The following PCDHA6 variants were observed in gnomAD, a reference collection of about 807,000 sequenced individuals.
The protein encoded by PCDHA6 is protocadherin alpha-6.
In PCDHA6, 55 loss-of-function variants were observed where a neutral mutation model predicts 60.3. That is an observed-to-expected ratio of 0.91 (90% CI 0.73 to 1.14). The LOEUF is 1.14. Ranked by LOEUF, PCDHA6 falls within the 50% of genes most tolerant of loss-of-function variation. The probability of loss-of-function intolerance (pLI) is 0.00; values close to 1 mark genes in which losing one functional copy is unlikely to be tolerated. For missense variants in PCDHA6, 1,327 were observed against 1,256.5 expected (o/e 1.06, Z -0.85); for synonymous variants, 652 against 557.9 (o/e 1.17, Z -2.38).
intron 1 of PCDHA6, chr5:140,856,524 CG>C (rs2044059008): frequency 6.3e-7 from 1 of 1,598,296 alleles, no homozygotes; most frequent in African/African-American, 1.3e-5. Flanking sequence ...GCATCTGATG[CG>C]GATGTTGGAG....
chr5:140,835,538 T>A, intron 1 of PCDHA6: 1 of 1,613,946 alleles, frequency 6.2e-7, no homozygotes, highest in African/African-American at 1.3e-5. Context: ...ACGGACAGGT[T>A]ACCTGCTCCC....
intron 1 of PCDHA6, chr5:140,859,867 TC>T (rs2046061567): frequency 6.6e-6 from 1 of 152,134 alleles, no homozygotes; most frequent in East Asian, 1.9e-4. Context: ...AATATATACT[TC>T]CCCCTCTGAT....
At chr5:140,908,911 T>C (rs535661545) in intron 1 of PCDHA6, among the ~76,000 whole-genome samples, 1 of 152,300 alleles carries the variant, frequency 6.6e-6, no homozygotes, top group South Asian at 2.1e-4. Flanking sequence ...TTCGTGGTTG[T>C]AGGAGGGGCC....
chr5:140,917,152 G>A (rs1407958115), intron 1 of PCDHA6, among the ~76,000 whole-genome samples: 1 of 152,012 alleles, frequency 6.6e-6, no homozygotes, highest in Admixed American at 6.6e-5. Context: ...GCTGCTGGGG[G>A]ATATGGGAGG....
chr5:140,870,551 C>G (rs1554164401), intron 1 of PCDHA6: 11 of 1,614,022 alleles, frequency 6.8e-6, no homozygotes, highest in African/African-American at 1.3e-5. Flanking sequence ...GACGCGGACG[C>G]GCAGGAGAAC....
chr5:141,000,421 A>ATATTTTT (rs1265241806), intron 3 of PCDHA6, among the ~76,000 whole-genome samples: 1 of 27,968 alleles, frequency 3.6e-5, no homozygotes, highest in Non-Finnish European at 5.7e-5. Context: ...ATATATATAT[A>ATATTTTT]TTTTTTTTTT....
In PCDHA6 at chr5:140,925,595, A is replaced by G. The variant is rs145876147; in HGVS notation, c.2395-53354A>G. 2.8e-3 allele frequency among the ~76,000 whole-genome samples: 431 copies of G among 151,786 alleles called. 1 individual carries two copies. Among genetic ancestry groups the G allele is most frequent in the African/African-American group, 9.9e-3 (412 of 41,446 alleles). On this transcript the variant is annotated intron_variant, in intron 1 of 3. Coordinates refer to ENST00000529310, the MANE Select transcript of PCDHA6 (RefSeq NM_018909.4). ...ACACCAACATGGCGCATGTATACAT[A>G]TGTAACAAACCTGCACGTTGTGCAC...
intron 1 of PCDHA6, among the ~76,000 whole-genome samples, chr5:140,844,046 T>C (rs1373355795): frequency 1.1e-4 from 17 of 149,680 alleles, no homozygotes; most frequent in African/African-American, 3.9e-4. Flanking sequence ...GTGAAAGTAT[T>C]CCCCCAAAGC....
At chr5:140,835,970 G>T (rs1178302162) in intron 1 of PCDHA6, 1 of 1,613,202 alleles carries the variant, frequency 6.2e-7, no homozygotes, top group Non-Finnish European at 8.5e-7. Flanking sequence ...AGGAGCTGGA[G>T]CTGTTGCAGT....
At chr5:140,949,222 G>T (rs1472220330) in intron 1 of PCDHA6, among the ~76,000 whole-genome samples, 1 of 151,662 alleles carries the variant, frequency 6.6e-6, no homozygotes, top group Non-Finnish European at 1.5e-5. Flanking sequence ...GTTTAGACTT[G>T]TTCTGTGGCC....
chr5:140,831,520 CTTTTTTTT>C (rs35178185), intron 1 of PCDHA6, among the ~76,000 whole-genome samples: 1 of 122,416 alleles, frequency 8.2e-6, no homozygotes, highest in Non-Finnish European at 1.6e-5. Context: ...TGCCCCCCAC[CTTTTTTTT>C]TTTTTTTTTT....
chr5:140,978,989 T>G lies in PCDHA6; in HGVS notation c.2435T>G (p.Leu812Arg). 1 of 1,614,212 alleles carries G rather than the reference T, an allele frequency of 6.2e-7. No individual in the cohort carries two copies. Among genetic ancestry groups the G allele is most frequent in the Non-Finnish European group, 8.5e-7 (1 of 1,180,034 alleles). Residue 812 changes from leucine to arginine, a missense_variant, in exon 2 of 4, where the codon CTG (leucine) becomes CGG (arginine). Transcript: ENST00000529310. Reference protein sequence around the residue: ...PNPDWRYSASLRAGMHSSVHL... With the variant: ...PNPDWRYSASRRAGMHSSVHL... ...CCTGACTGGCGTTACTCTGCCTCCC[T>G]GAGAGCAGGCATGCACAGGTATGTA...
intron 1 of PCDHA6, among the ~76,000 whole-genome samples, chr5:140,879,472 G>T (rs546855959): frequency 6.6e-6 from 1 of 152,318 alleles, no homozygotes; most frequent in South Asian, 2.1e-4. Context: ...GAATACCGTT[G>T]TGATTGGAAA....
At chr5:140,871,533 G>A in intron 1 of PCDHA6, 2 of 1,516,446 alleles carry the variant, frequency 1.3e-6, no homozygotes, top group South Asian at 1.3e-5. Context: ...GGAAGTGTAT[G>A]TGAAATTATT....
intron 1 of PCDHA6, among the ~76,000 whole-genome samples, chr5:140,905,531 C>T (rs2071895291): frequency 6.6e-6 from 1 of 151,776 alleles, no homozygotes; most frequent in African/African-American, 2.4e-5. Context: ...TTTTTTGGTT[C>T]CATATGAACT....
intron 1 of PCDHA6, chr5:140,835,907 G>T (rs2150248091): frequency 6.2e-7 from 1 of 1,612,200 alleles, no homozygotes. Flanking sequence ...CGAGCTACGT[G>T]TCAGTGCACG....
At chr5:140,876,449 G>T (rs1396307044) in intron 1 of PCDHA6, 1 of 1,613,880 alleles carries the variant, frequency 6.2e-7, no homozygotes, top group Non-Finnish European at 8.5e-7. Context: ...ATTGATAAAG[G>T]GATTCCTTCC....
chr5:141,006,491 G>A (rs142641127), intron 3 of PCDHA6, among the ~76,000 whole-genome samples: 4,876 of 152,234 alleles, frequency 0.032, 273 homozygotes, highest in African/African-American at 0.11. Context: ...GGGATTACAT[G>A]TGTGAGCCAC....
chr5:141,000,912 A>G (rs1434885581), intron 3 of PCDHA6, among the ~76,000 whole-genome samples: 1 of 152,194 alleles, frequency 6.6e-6, no homozygotes, highest in East Asian at 1.9e-4. Context: ...TGTCTCTAAA[A>G]AAAAAAATCC....
Sources: allele counts gnomAD v4.1 joint callset (sites outside exome capture counted in the v4.1 genomes callset), GRCh38; gene constraint gnomAD v4.1.1; transcripts MANE v1.5; gene names NCBI Gene and HGNC (gene_info 2026-07-23, HGNC 2026-07-21).